Variants in DAB1 observed in about 807,000 individuals in gnomAD.
DAB1 encodes DAB adaptor protein 1.
In DAB1, 15 loss-of-function variants were observed where a neutral mutation model predicts 64.6. The observed-to-expected ratio is 0.23, with a 90% CI of 0.16 to 0.36. The LOEUF (loss-of-function observed/expected upper bound fraction) is 0.36, where lower values mean the gene tolerates loss of function less well. Ranked by LOEUF, DAB1 falls within the 10% of genes least tolerant of loss-of-function variation. The pLI, the probability that DAB1 is intolerant of heterozygous loss-of-function variation, is 1.00. For missense variants in DAB1, 596 were observed against 706.7 expected (o/e 0.84, Z 1.78); for synonymous variants, 235 against 251.9 (o/e 0.93, Z 0.64).
intron 1 of DAB1, among the ~76,000 whole-genome samples, chr1:57,407,121 T>C (rs575406840): frequency 2.6e-5 from 4 of 152,358 alleles, no homozygotes; most frequent in South Asian, 2.1e-4. Context: ...TAAAGTCCCA[T>C]GTGTGCTCAC....
At chr1:57,545,740 G>A (rs544695833) in intron 7 of DAB1, among the ~76,000 whole-genome samples, 16 of 151,984 alleles carry the variant, frequency 1.1e-4, no homozygotes, top group South Asian at 2.1e-4. Flanking sequence ...TAATACCTTC[G>A]TTTTACTAAT....
At chr1:57,794,441 C>T (rs1481303882) in intron 6 of DAB1, among the ~76,000 whole-genome samples, 2 of 152,176 alleles carry the variant, frequency 1.3e-5, no homozygotes, top group African/African-American at 4.8e-5. Context: ...GAGGTCTCTA[C>T]TTTATTACAT....
chr1:57,571,628 TAGA>T (rs1326182546), intron 7 of DAB1, among the ~76,000 whole-genome samples: 9 of 152,224 alleles, frequency 5.9e-5, no homozygotes. Flanking sequence ...AATGTTGGGC[TAGA>T]AGAAGACAAA....
chr1:57,757,220 T>TTTCTTTTTTTTTTTTTTTTG (rs200688727), intron 6 of DAB1, among the ~76,000 whole-genome samples: 1 of 120,152 alleles, frequency 8.3e-6, no homozygotes, highest in Non-Finnish European at 1.8e-5. Context: ...TTTTTTTTTT[T>TTTCTTTTTTTTTTTTTTTTG]AGCAGCAATG....
Position 57,734,840 on chromosome 1 carries a change from T to A in DAB1, n.552-85175A>T, listed in dbSNP as rs376205281. 1.8e-4 allele frequency among the ~76,000 whole-genome samples: 27 copies of A among 152,338 alleles called. No individual in the cohort carries two copies. The East Asian group carries it at 3.7e-3, about 21-fold the overall frequency. ...TACCAGTAAACAACAAAAAGCAAGC[T>A]ACATTCAGGACTGGATCATTTAAAA... On this transcript the variant is annotated intron_variant and non_coding_transcript_variant, in intron 6 of 20. Coordinates refer to the DAB1 transcript ENST00000485760.
At chr1:58,421,247 G>C (rs880006) in intron 3 of DAB1, among the ~76,000 whole-genome samples, 14,187 of 152,184 alleles carry the variant, frequency 0.093, 1,060 homozygotes, top group East Asian at 0.31. Context: ...GGACAGGCAC[G>C]AGCAACATGA....
intron 5 of DAB1, among the ~76,000 whole-genome samples, chr1:58,103,314 T>C (rs1258760329): frequency 2.0e-5 from 3 of 152,192 alleles, no homozygotes; most frequent in East Asian, 1.9e-4. Flanking sequence ...GATTATCTAG[T>C]ACACAGGGTG....
intron 6 of DAB1, among the ~76,000 whole-genome samples, chr1:57,802,530 GA>G (rs1481438762): frequency 1.3e-5 from 2 of 152,164 alleles, no homozygotes; most frequent in African/African-American, 4.8e-5. Flanking sequence ...ATATGGTTTG[GA>G]ATTGTGTCCC....
intron 2 of DAB1, among the ~76,000 whole-genome samples, chr1:58,522,554 T>C (rs1053318944): frequency 6.6e-6 from 1 of 152,112 alleles, no homozygotes. Context: ...TTTTTGGCTA[T>C]TGCAATAAAG....
intron 5 of DAB1, among the ~76,000 whole-genome samples, chr1:57,912,422 A>G (rs1370850613): frequency 6.6e-6 from 1 of 152,214 alleles, no homozygotes; most frequent in Non-Finnish European, 1.5e-5. Flanking sequence ...TCAATAAATT[A>G]GGTATTGATG....
At chr1:57,647,405 C>T (rs1028752371) in intron 7 of DAB1, among the ~76,000 whole-genome samples, 4 of 152,166 alleles carry the variant, frequency 2.6e-5, no homozygotes, top group Admixed American at 6.5e-5. Flanking sequence ...CCCCCGGAGG[C>T]GAACATCCAG....
chr1:57,232,237 C>T lies in DAB1; in HGVS notation c.67+58727G>A, dbSNP rs1048275753. Among the ~76,000 whole-genome samples the T allele has an allele frequency of 3.5e-5, 5 of 141,164 alleles. No individual in the cohort carries two copies. In the Admixed American group the frequency reaches 3.9e-4, roughly 11 times the overall value. The allele number at this position is 141,164 out of a possible 152,430, so 92.6% of individuals were successfully genotyped here. A position where few individuals can be genotyped will look rare whatever the true frequency, so the allele number is the denominator to read the frequency against. On this transcript the variant is annotated intron_variant, in intron 2 of 14. Transcript: ENST00000371236. ...CTGACAAGGCCAAGAGCAATAAACC[C>T]ATTATTATTCCTGCACCACCATACC...
chr1:57,256,877 A>G (rs1441086123), intron 2 of DAB1, among the ~76,000 whole-genome samples: 1 of 152,224 alleles, frequency 6.6e-6, no homozygotes, highest in Non-Finnish European at 1.5e-5. Flanking sequence ...AGCAGCCTCC[A>G]GTAAGCCCTG....
At chr1:58,044,070 A>G (rs1276392107) in intron 5 of DAB1, among the ~76,000 whole-genome samples, 2 of 152,194 alleles carry the variant, frequency 1.3e-5, no homozygotes, top group Non-Finnish European at 2.9e-5. Flanking sequence ...AATTACCTGT[A>G]TATTTAATCT....
chr1:57,317,335 A>G (rs1208876343), intron 1 of DAB1, among the ~76,000 whole-genome samples: 1 of 152,240 alleles, frequency 6.6e-6, no homozygotes, highest in Non-Finnish European at 1.5e-5. Context: ...AAGGGGACCC[A>G]ACTCAACTGA....
chr1:57,739,613 G>A (rs1201421607), intron 6 of DAB1, among the ~76,000 whole-genome samples: 6 of 150,434 alleles, frequency 4.0e-5, no homozygotes, highest in East Asian at 4.0e-4. Context: ...CACCATGCCC[G>A]GCTAATTTTC....
intron 6 of DAB1, among the ~76,000 whole-genome samples, chr1:57,729,020 T>TAATAA (rs770022089): frequency 5.3e-5 from 8 of 152,254 alleles, no homozygotes; most frequent in Non-Finnish European, 7.3e-5. Flanking sequence ...TCATTGCAGA[T>TAATAA]AATAGCTTTA....
chr1:57,144,707 GA>G lies in DAB1; in HGVS notation c.207+582del, dbSNP rs375007760. Among the ~76,000 whole-genome samples the G allele has an allele frequency of 5.2e-3, 747 of 144,906 alleles. 13 individuals carry two copies. The highest frequency in any genetic ancestry group is 1.4e-3 in the East Asian group (7 of 4,960). On this transcript the variant is annotated intron_variant, in intron 3 of 14. Transcript: ENST00000371236. The stretch of plus-strand genomic sequence containing the variant: ...AGACTCCTTCTCAAAAAAAAAAAAA[GA>G]AAAAAAAAATCTAATTTCTTTCTTA...
intron 5 of DAB1, among the ~76,000 whole-genome samples, chr1:57,937,972 G>T (rs923210153): frequency 6.6e-6 from 1 of 152,226 alleles, no homozygotes; most frequent in East Asian, 1.9e-4. Context: ...TATAGTCAGG[G>T]CTAAGCTCTT....
Sources: allele counts gnomAD v4.1 joint callset (sites outside exome capture counted in the v4.1 genomes callset), GRCh38; gene constraint gnomAD v4.1.1; transcripts MANE v1.5; gene names NCBI Gene and HGNC (gene_info 2026-07-23, HGNC 2026-07-21).